ARHGAP21: variants seen among roughly 807,000 people sequenced by gnomAD.
ARHGAP21 encodes rho GTPase-activating protein 21.
ARHGAP21 carries 38 observed loss-of-function variants against 164.6 expected under a neutral mutation model. The observed-to-expected ratio is 0.23, with a 90% CI of 0.18 to 0.30. The LOEUF is 0.30. ARHGAP21 is among the 10% of genes least tolerant of loss of function. The probability of loss-of-function intolerance (pLI) is 1.00; values close to 1 mark genes in which losing one functional copy is unlikely to be tolerated. For missense variants in ARHGAP21, 1,822 were observed against 2,370.7 expected (o/e 0.77, Z 4.81); for synonymous variants, 766 against 857.9 (o/e 0.89, Z 1.87).
chr10:24,718,697 A>G (rs1845637354), intron 2 of ARHGAP21, among the ~76,000 whole-genome samples: 1 of 152,244 alleles, frequency 6.6e-6, no homozygotes, highest in African/African-American at 2.4e-5. Flanking sequence ...TATTGTTTAC[A>G]GTATTTCAAA....
chr10:24,606,366 CAAA>C (rs1457670417), intron 11 of ARHGAP21, among the ~76,000 whole-genome samples: 7 of 151,876 alleles, frequency 4.6e-5, no homozygotes, highest in African/African-American at 1.7e-4. Context: ...AGAAAATAGT[CAAA>C]AAATATAAAA....
chr10:24,589,151 T>G lies in ARHGAP21; in HGVS notation c.4182+120A>C. 3 of 869,134 alleles carry G rather than the reference T, an allele frequency of 3.5e-6. No individual in the cohort carries two copies. The Admixed American group carries it at 7.3e-5, about 21-fold the overall frequency. 53.8% of individuals were successfully genotyped at this position (869,134 alleles called of 1,614,324 possible). A position where few individuals can be genotyped will look rare whatever the true frequency, so the allele number is the denominator to read the frequency against. On this transcript the variant is annotated intron_variant, in intron 25 of 25. Coordinates refer to ENST00000396432, the MANE Select transcript of ARHGAP21 (RefSeq NM_020824.4). ...ATTGTTTTAGGAATTAATTTTTTGA[T>G]TATACTTTGTTGCTCTGTCTCATTA... is the stretch of plus-strand genomic sequence containing the variant.
intron 21 of ARHGAP21, among the ~76,000 whole-genome samples, chr10:24,592,524 A>G (rs1296802425): frequency 6.6e-6 from 1 of 152,164 alleles, no homozygotes; most frequent in East Asian, 1.9e-4. Flanking sequence ...GGAAAAAAAA[A>G]CTTGCAGAAG....
chr10:24,642,009 A>C (rs1837086229), intron 4 of ARHGAP21, among the ~76,000 whole-genome samples: 1 of 151,824 alleles, frequency 6.6e-6, no homozygotes, highest in Non-Finnish European at 1.5e-5. Context: ...AAAAAAAAAA[A>C]AAAAGTTTTA....
intron 4 of ARHGAP21, among the ~76,000 whole-genome samples, chr10:24,650,112 T>C (rs190761581): frequency 3.5e-4 from 53 of 152,316 alleles, no homozygotes; most frequent in African/African-American, 1.2e-3. Flanking sequence ...ATCTTCAATA[T>C]TACTGAATAA....
chr10:24,670,490 C>T, intron 2 of ARHGAP21, 93 bp from the exon 3 acceptor site: 1 of 742,952 alleles, frequency 1.3e-6, no homozygotes, highest in Non-Finnish European at 1.9e-6. Flanking sequence ...TACCTGAGCG[C>T]CGATATGAAC....
intron 2 of ARHGAP21, among the ~76,000 whole-genome samples, chr10:24,715,756 C>A (rs1381202298): frequency 6.6e-6 from 1 of 152,142 alleles, no homozygotes; most frequent in African/African-American, 2.4e-5. Context: ...ACCTGTAATT[C>A]CAGCACTTTG....
At chr10:24,670,806 A>G (rs1271721282) in intron 2 of ARHGAP21, among the ~76,000 whole-genome samples, 1 of 152,222 alleles carries the variant, frequency 6.6e-6, no homozygotes, top group African/African-American at 2.4e-5. Context: ...ACCTTATCAG[A>G]TAGTCCAACA....
chr10:24,695,278 T>C (rs953572981), intron 2 of ARHGAP21, among the ~76,000 whole-genome samples: 4 of 151,936 alleles, frequency 2.6e-5, no homozygotes, highest in African/African-American at 9.7e-5. Flanking sequence ...AATAGATAAA[T>C]AGAATCTAGG....
intron 4 of ARHGAP21, among the ~76,000 whole-genome samples, chr10:24,652,565 C>T (rs1036740785): frequency 6.6e-6 from 1 of 152,100 alleles, no homozygotes; most frequent in Non-Finnish European, 1.5e-5. Context: ...GAATTACCTG[C>T]TAATAGTATA....
At chr10:24,607,951 T>A in intron 9 of ARHGAP21, 48 bp from the exon 10 acceptor site, 1 of 1,518,332 alleles carries the variant, frequency 6.6e-7, no homozygotes, top group South Asian at 1.3e-5. Context: ...TAATTGTTAT[T>A]AATAATAAAA....
At chr10:24,658,014 C>G (rs950589358) in intron 4 of ARHGAP21, among the ~76,000 whole-genome samples, 3 of 123,818 alleles carry the variant, frequency 2.4e-5, no homozygotes, top group Non-Finnish European at 5.0e-5. Context: ...CCTGCCAAAT[C>G]CCCCTCTGTG....
chr10:24,596,063 C>A lies in ARHGAP21; in HGVS notation c.3478-20G>T. On this transcript the variant is annotated intron_variant, in intron 17 of 25. Coordinates refer to ENST00000396432, the MANE Select transcript of ARHGAP21 (RefSeq NM_020824.4). The stretch of plus-strand genomic sequence containing the variant: ...AATATACTGCAAAACAAGAAATAAA[C>A]ATTTTATTTAATGCAGCACAAATGT... 1 of 1,564,258 alleles carries A rather than the reference C, an allele frequency of 6.4e-7. No individual in the cohort carries two copies. The highest frequency in any genetic ancestry group is 8.7e-7 in the Non-Finnish European group (1 of 1,150,756).
chr10:24,662,073 G>C (rs929793748), intron 4 of ARHGAP21, among the ~76,000 whole-genome samples: 4 of 152,182 alleles, frequency 2.6e-5, no homozygotes, highest in African/African-American at 9.7e-5. Flanking sequence ...TCCACTGCTA[G>C]CCAAGTACTG....
chr10:24,598,109 A>G (rs2076660668), intron 14 of ARHGAP21, 100 bp from the exon 15 acceptor site: 1 of 847,506 alleles, frequency 1.2e-6, no homozygotes, highest in Admixed American at 2.2e-5. Context: ...TATTTAACAC[A>G]AACACTACTA....
At chr10:24,635,486 G>A (rs1411104772) in intron 4 of ARHGAP21, among the ~76,000 whole-genome samples, 2 of 152,120 alleles carry the variant, frequency 1.3e-5, no homozygotes. Flanking sequence ...CAGCTAACAA[G>A]TGCCAAAGAT....
chr10:24,659,475 C>T (rs1839448700), intron 4 of ARHGAP21, among the ~76,000 whole-genome samples: 1 of 152,072 alleles, frequency 6.6e-6, no homozygotes, highest in South Asian at 2.1e-4. Context: ...GCCACCACAC[C>T]CGGCTAATTT....
intron 1 of ARHGAP21, chr10:24,723,228 G>C (rs919873155): frequency 2.3e-4 from 35 of 150,876 alleles, no homozygotes; most frequent in African/African-American, 8.2e-4. Flanking sequence ...GCCGGGCGCC[G>C]GGCCCGGCCG....
chr10:24,642,308 G>C (rs1364954018), intron 4 of ARHGAP21, among the ~76,000 whole-genome samples: 1 of 151,980 alleles, frequency 6.6e-6, no homozygotes, highest in Non-Finnish European at 1.5e-5. Context: ...GAGGTCAGGA[G>C]ATCGAGACCA....
Sources: gnomAD v4.1 joint callset for allele counts (sites outside exome capture counted in the v4.1 genomes callset) on GRCh38, gnomAD v4.1.1 for gene constraint, MANE v1.5 for transcripts, NCBI Gene and HGNC (gene_info 2026-07-23, HGNC 2026-07-21) for gene names.